The following FMO2 variants were observed in gnomAD, a reference collection of about 807,000 sequenced individuals.
FMO2 encodes flavin containing dimethylaniline monoxygenase 2, also known as flavin-containing monooxygenase 2.
In FMO2, 33 loss-of-function variants were observed where a neutral mutation model predicts 41.6. The ratio of observed to expected loss-of-function variants is 0.79; its 90% CI spans 0.60 to 1.06. The LOEUF is 1.06. FMO2 is among the 50% of genes least tolerant of loss of function. FMO2 has a pLI of 0.00. For missense variants in FMO2, 619 were observed against 632.9 expected, an observed-to-expected ratio of 0.98 and a Z score of 0.23; for synonymous variants, 214 against 219.6, an observed-to-expected ratio of 0.97 and a Z score of 0.23.
In FMO2 at chr1:171,212,439, C is replaced by A. The variant is rs1468506237; in HGVS notation, c.*3294C>A. Among the ~76,000 whole-genome samples the A allele has an allele frequency of 6.6e-6, 1 of 152,130 alleles. No homozygotes were observed. Among genetic ancestry groups the A allele is most frequent in the East Asian group, 1.9e-4 (1 of 5,194 alleles). The stretch of plus-strand genomic sequence containing the variant: ...AGTCTCAGATATTCTGTTACAGAAA[C>A]ACAAAATGGACTAAGACACCACCCT... On this transcript the variant is annotated 3_prime_UTR_variant, in exon 9 of 9. Coordinates refer to ENST00000209929, the MANE Select transcript of FMO2 (RefSeq NM_001460.5).
intron 7 of FMO2, among the ~76,000 whole-genome samples, chr1:171,206,447 G>A (rs2049920): frequency 0.11 from 16,503 of 152,210 alleles, 1,051 homozygotes; most frequent in East Asian, 0.25. Flanking sequence ...AGAGCATGAC[G>A]TATGAGGCAG....
In FMO2 at chr1:171,203,968, G is replaced by T. The variant is rs144453751; in HGVS notation, c.731G>T (p.Arg244Leu). 4.3e-6 allele frequency: 7 copies of T among 1,613,568 alleles called. No homozygotes were observed. The highest frequency in any genetic ancestry group is 5.1e-6 in the Non-Finnish European group (6 of 1,179,608). ...CACACCCGGTTTCGTTCTATGCTCC[G>T]CAATGTACTGCCACGAACAGCTGTA... ...VFHTRFRSML[R>L]NVLPRTAVKW... Residue 244 changes from arginine (R) to leucine (L), a missense_variant, in exon 6 of 9, where the codon CGC (arginine) becomes CTC (leucine). By Grantham distance (102) the Arg-to-Leu change is moderately radical (BLOSUM62 -2). Coordinates refer to ENST00000209929, the MANE Select transcript of FMO2 (RefSeq NM_001460.5).
intron 2 of FMO2, among the ~76,000 whole-genome samples, chr1:171,189,659 CT>C (rs397827245): frequency 0.056 from 6,751 of 121,278 alleles, 242 homozygotes; most frequent in African/African-American, 0.12. Context: ...TTTTTCTTTT[CT>C]TTTTTTTTTT....
intron 1 of FMO2, 100 bp from the exon 2 acceptor site, chr1:171,185,608 C>A: frequency 4.4e-6 from 5 of 1,126,712 alleles, no homozygotes; most frequent in Non-Finnish European, 6.5e-6. Context: ...ATTAAATTAC[C>A]ACTGCTACAA....
intron 5 of FMO2, 77 bp from the exon 6 acceptor site, chr1:171,203,788 A>C: frequency 1.6e-6 from 2 of 1,255,756 alleles, no homozygotes; most frequent in Admixed American, 3.7e-5. Flanking sequence ...TACACATGTG[A>C]TACATGACCT....
intron 7 of FMO2, among the ~76,000 whole-genome samples, chr1:171,207,366 A>ATCT (rs2102015774): frequency 6.6e-6 from 1 of 152,216 alleles, no homozygotes; most frequent in East Asian, 1.9e-4. Context: ...AATAAATCTG[A>ATCT]TCTTCTCACT....
intron 8 of FMO2, among the ~76,000 whole-genome samples, chr1:171,208,472 T>C (rs1175435968): frequency 6.6e-6 from 1 of 152,234 alleles, no homozygotes; most frequent in Non-Finnish European, 1.5e-5. Flanking sequence ...ATATGCATTA[T>C]CTCATGAATT....
At position 171,204,078 on chromosome 1, in the gene FMO2, G is replaced by A; in HGVS notation, c.827+14G>A. On this transcript the variant is annotated intron_variant, in intron 6 of 8. Transcript: ENST00000209929. ...GCCTCAAAACAAGTAGAGTTATTTT[G>A]CTTTTTTAATGGTATACTCGTTGGT... 6.2e-7 allele frequency: 1 copy of A among 1,609,058 alleles called. No individual in the cohort carries two copies. Among genetic ancestry groups the A allele is most frequent in the South Asian group, 1.1e-5 (1 of 90,952 alleles).
rs1305781055 is a variant in FMO2, at chr1:171,205,612, T to C, written c.1161T>C (p.Arg387=). 2 of 1,609,848 alleles carry C rather than the reference T, an allele frequency of 1.2e-6. No individual in the cohort carries two copies. The highest frequency in any genetic ancestry group is 1.7e-6 in the Non-Finnish European group (2 of 1,178,070). ...TCCCAACTGCTGAACTTCAAGCTCG[T>C]TGGGTGACAAGAGTTTTCAAAGGTA... ...SIFPTAELQA[R]WVTRVFKGLC... is the part of the protein sequence containing the mutation. Residue 387 remains arginine (R), a synonymous_variant, in exon 7 of 9, where the codon CGT becomes CGC. Coordinates refer to ENST00000209929, the MANE Select transcript of FMO2 (RefSeq NM_001460.5).
At chr1:171,193,791 T>TTTC (rs1553238038) in intron 3 of FMO2, among the ~76,000 whole-genome samples, 1 of 149,450 alleles carries the variant, frequency 6.7e-6, no homozygotes, top group African/African-American at 2.5e-5. Context: ...TTTTTTTTTT[T>TTTC]CTCCCTGAGA....
At chr1:171,193,667 C>A in intron 3 of FMO2, 144 bp downstream of exon 3, 4 of 604,744 alleles carry the variant, frequency 6.6e-6, no homozygotes, top group African/African-American at 1.9e-5. Context: ...CATATAAAAC[C>A]CAAAAAGTAG....
intron 5 of FMO2, among the ~76,000 whole-genome samples, chr1:171,201,201 C>T (rs1419285258): frequency 6.6e-6 from 1 of 152,078 alleles, no homozygotes; most frequent in African/African-American, 2.4e-5. Context: ...CTAGATGCCC[C>T]CTTTTTAGGA....
At chr1:171,192,925 C>T (rs1208285728) in intron 2 of FMO2, among the ~76,000 whole-genome samples, 2 of 152,148 alleles carry the variant, frequency 1.3e-5, no homozygotes, top group Non-Finnish European at 2.9e-5. Flanking sequence ...ATTATGTTCT[C>T]TGCCCAGTGT....
chr1:171,192,037 AAAT>A (rs990854692), intron 2 of FMO2, among the ~76,000 whole-genome samples: 5 of 151,984 alleles, frequency 3.3e-5, no homozygotes, highest in Admixed American at 6.6e-5. Flanking sequence ...CCTGTCTCAA[AAAT>A]AATAATAATA....
Position 171,205,469 on chromosome 1 carries a change from G to C in FMO2, c.1018G>C (p.Asp340His). 6.2e-7 allele frequency: 1 copy of C among 1,613,824 alleles called. No homozygotes were observed. The highest frequency in any genetic ancestry group is 2.2e-5 in the East Asian group (1 of 44,860). Residue 340 changes from aspartate (D) to histidine (H), a missense_variant, in exon 7 of 9, where the codon GAT becomes CAT. Physicochemically the swap from Asp to His is moderately conservative, Grantham distance 81. Coordinates refer to ENST00000209929, the MANE Select transcript of FMO2 (RefSeq NM_001460.5). ...TAGTTTCTCTTTTCCCTTCCTTGAA[G>C]ATTCACTCGTTAAAGTAGAGAATAA... is the stretch of plus-strand genomic sequence containing the variant. ...GYSFSFPFLE[D>H]SLVKVENNMV...
intron 5 of FMO2, among the ~76,000 whole-genome samples, chr1:171,199,739 C>T (rs1324157278): frequency 1.3e-5 from 2 of 152,112 alleles, no homozygotes; most frequent in Admixed American, 6.6e-5. Flanking sequence ...AAAATGGGAA[C>T]TTTTGACCAG....
intron 2 of FMO2, 52 bp downstream of exon 2, chr1:171,185,897 G>T: frequency 6.4e-7 from 1 of 1,572,298 alleles, no homozygotes; most frequent in South Asian, 1.1e-5. Context: ...ATTTCAGGGT[G>T]AATCACAGTT....
At chr1:171,187,493 C>A (rs1657898060) in intron 2 of FMO2, among the ~76,000 whole-genome samples, 1 of 151,944 alleles carries the variant, frequency 6.6e-6, no homozygotes, top group African/African-American at 2.4e-5. Flanking sequence ...TGACCATAAA[C>A]CACACCTGGA....
intron 5 of FMO2, 106 bp from the exon 6 acceptor site, chr1:171,203,759 C>A: frequency 1.1e-6 from 1 of 947,516 alleles, no homozygotes; most frequent in Non-Finnish European, 1.6e-6. Flanking sequence ...TAAAACAGAA[C>A]CTCTGTAAAT....
Sources: allele counts gnomAD v4.1 joint callset (sites outside exome capture counted in the v4.1 genomes callset), GRCh38; gene constraint gnomAD v4.1.1; transcripts MANE v1.5; gene names NCBI Gene and HGNC (gene_info 2026-07-23, HGNC 2026-07-21).